The following LRP1B variants were observed in gnomAD, a reference collection of about 807,000 sequenced individuals.
LRP1B encodes LDL receptor related protein 1B, also known as low-density lipoprotein receptor-related protein 1B.
Under a neutral mutation model 556.6 loss-of-function variants are expected in LRP1B, and 217 were observed. The observed-to-expected ratio is 0.39, with a 90% CI of 0.35 to 0.44. The LOEUF (loss-of-function observed/expected upper bound fraction) is 0.44, where lower values mean the gene tolerates loss of function less well. Ranked by LOEUF, LRP1B falls within the 20% of genes least tolerant of loss-of-function variation. The pLI, the probability that LRP1B is intolerant of heterozygous loss-of-function variation, is 1.00. For synonymous variants in LRP1B, 2,047 were observed against 1,865.8 expected (o/e 1.10, Z -2.50); for missense variants, 5,053 against 5,620.8 (o/e 0.90, Z 3.23).
intron 57 of LRP1B, among the ~76,000 whole-genome samples, chr2:140,489,178 G>T (rs1400453774): frequency 6.6e-6 from 1 of 151,944 alleles, no homozygotes; most frequent in Admixed American, 6.6e-5. Flanking sequence ...AGTAATAATA[G>T]TGTTAAAATC....
At chr2:140,580,233 A>C (rs79851617) in intron 43 of LRP1B, among the ~76,000 whole-genome samples, 3,909 of 152,318 alleles carry the variant, frequency 0.026, 166 homozygotes, top group African/African-American at 0.086. Context: ...GACCAGTCAC[A>C]GTTCATAACA....
Position 140,475,327 on chromosome 2 carries a change from A to G in LRP1B, c.9436T>C (p.Trp3146Arg). The G allele has an allele frequency of 6.2e-7, 1 of 1,600,344 alleles. No homozygotes were observed. The highest frequency in any genetic ancestry group is 8.5e-7 in the Non-Finnish European group (1 of 1,172,198). ...TGAGGATACTCGCAGCAGTCAATCCAATACAAATATCTAGGAAAGAAAATC... is the reference window on the plus strand; with the variant it reads ...TGAGGATACTCGCAGCAGTCAATCCGATACAAATATCTAGGAAAGAAAATC... ...SLDPQAGYLYWIDCCEYPHIG... is the reference protein window; with the variant it reads ...SLDPQAGYLYRIDCCEYPHIG... The change falls in exon 60 of 91, where the codon TGG becomes CGG. Residue 3146 changes from tryptophan (W) to arginine (R), a missense_variant. Around this residue, in one of 5 missense-constraint regions of LRP1B, gnomAD observed 3,619 missense variants for 3,931.9 expected, o/e 0.92. Transcript: ENST00000389484.
At chr2:141,734,414 A>C (rs987058463) in intron 2 of LRP1B, among the ~76,000 whole-genome samples, 3 of 152,064 alleles carry the variant, frequency 2.0e-5, no homozygotes, top group African/African-American at 7.2e-5. Context: ...TTTCCATATA[A>C]ATAATATTTA....
intron 20 of LRP1B, among the ~76,000 whole-genome samples, chr2:140,946,157 T>A (rs893799198): frequency 5.3e-5 from 8 of 152,038 alleles, no homozygotes; most frequent in Admixed American, 1.3e-4. Context: ...TGAAATAACA[T>A]CTCACACCAA....
At chr2:141,225,845 T>C (rs947280086) in intron 6 of LRP1B, among the ~76,000 whole-genome samples, 1 of 152,082 alleles carries the variant, frequency 6.6e-6, no homozygotes, top group Admixed American at 6.6e-5. Context: ...ATCAGAATCA[T>C]TGGGTGGGCC....
intron 1 of LRP1B, among the ~76,000 whole-genome samples, chr2:141,998,656 G>GT (rs1702565829): frequency 6.6e-6 from 1 of 152,234 alleles, no homozygotes; most frequent in South Asian, 2.1e-4. Context: ...CTATAGGTTG[G>GT]TTTTACACAT....
At chr2:141,483,173 T>G (rs1353496767) in intron 2 of LRP1B, among the ~76,000 whole-genome samples, 1 of 143,878 alleles carries the variant, frequency 7.0e-6, no homozygotes, top group Non-Finnish European at 1.5e-5. Flanking sequence ...CCATGTGTTC[T>G]CATTGTTCAA....
At chr2:140,803,491 G>T (rs1168624735) in intron 32 of LRP1B, among the ~76,000 whole-genome samples, 1 of 151,440 alleles carries the variant, frequency 6.6e-6, no homozygotes, top group East Asian at 1.9e-4. Context: ...GTAGAGACAG[G>T]GTTTCACTGT....
In LRP1B at chr2:141,047,375, CA is replaced by C. The variant is rs1374885141; in HGVS notation, c.1789+1610del. On this transcript the variant is annotated intron_variant, in intron 11 of 90. Transcript: ENST00000389484. ...TTAGCATAGAAAGTATACTTTTTAT[CA>C]GGTTTGATTTAAAGTAAAGTTGTGT... Among the ~76,000 whole-genome samples the C allele has an allele frequency of 2.0e-5, 3 of 152,134 alleles. No individual in the cohort carries two copies. The East Asian group carries it at 5.8e-4, about 29-fold the overall frequency.
intron 7 of LRP1B, among the ~76,000 whole-genome samples, chr2:141,089,215 T>C (rs1700119314): frequency 1.3e-5 from 2 of 152,190 alleles, no homozygotes; most frequent in Non-Finnish European, 2.9e-5. Context: ...GGGCTCTTAT[T>C]TCTGGAGGCT....
At chr2:141,462,601 GT>G (rs1164518386) in intron 3 of LRP1B, among the ~76,000 whole-genome samples, 2 of 152,040 alleles carry the variant, frequency 1.3e-5, no homozygotes, top group African/African-American at 4.8e-5. Flanking sequence ...CATGGCACAT[GT>G]ATACCTATGT....
At chr2:140,237,694 G>A (rs1205489823) in intron 89 of LRP1B, among the ~76,000 whole-genome samples, 1 of 150,294 alleles carries the variant, frequency 6.7e-6, no homozygotes, top group Non-Finnish European at 1.5e-5. Context: ...TGCATGTATT[G>A]GTCTTCTCCT....
chr2:142,103,976 A>G (rs951232209), intron 1 of LRP1B, among the ~76,000 whole-genome samples: 1 of 152,168 alleles, frequency 6.6e-6, no homozygotes, highest in Admixed American at 6.6e-5. Flanking sequence ...CTTCATTTAC[A>G]AGATTGTCAG....
intron 2 of LRP1B, among the ~76,000 whole-genome samples, chr2:141,717,331 C>T (rs1558825028): frequency 6.6e-6 from 1 of 152,158 alleles, no homozygotes; most frequent in Admixed American, 6.6e-5. Context: ...TGCATGATTG[C>T]TATTATGTCA....
intron 7 of LRP1B, among the ~76,000 whole-genome samples, chr2:141,171,899 T>C (rs1340280832): frequency 3.9e-5 from 6 of 152,208 alleles, no homozygotes; most frequent in African/African-American, 1.4e-4. Flanking sequence ...TCAGTAACAT[T>C]GCTCTTCAGA....
intron 6 of LRP1B, among the ~76,000 whole-genome samples, chr2:141,206,489 G>T (rs931190384): frequency 6.6e-6 from 1 of 152,068 alleles, no homozygotes; most frequent in Non-Finnish European, 1.5e-5. Flanking sequence ...GGAGGCTGAG[G>T]CAGGGGAGAA....
chr2:140,589,750 G>A (rs1682141258), intron 43 of LRP1B, among the ~76,000 whole-genome samples: 1 of 152,120 alleles, frequency 6.6e-6, no homozygotes, highest in South Asian at 2.1e-4. Flanking sequence ...TTATAAAGAA[G>A]TTATAAAGTT....
At chr2:141,076,483 G>A (rs536807337) in intron 7 of LRP1B, among the ~76,000 whole-genome samples, 1 of 152,306 alleles carries the variant, frequency 6.6e-6, no homozygotes, top group South Asian at 2.1e-4. Flanking sequence ...GGAGCTTGCT[G>A]ACATCTCCAA....
intron 32 of LRP1B, among the ~76,000 whole-genome samples, chr2:140,806,566 C>T (rs1690723798): frequency 6.6e-6 from 1 of 152,106 alleles, no homozygotes; most frequent in Admixed American, 6.6e-5. Flanking sequence ...GCCCAGGGCT[C>T]AAACTCTTGA....
Sources: allele counts gnomAD v4.1 joint callset (sites outside exome capture counted in the v4.1 genomes callset), GRCh38; gene constraint gnomAD v4.1.1; regional missense constraint gnomAD v4.1.1; transcripts MANE v1.5; gene names NCBI Gene and HGNC (gene_info 2026-07-23, HGNC 2026-07-21).